NOS1AP: variants seen among roughly 807,000 people sequenced by gnomAD.
NOS1AP encodes the protein nitric oxide synthase 1 adaptor protein, also known as carboxyl-terminal PDZ ligand of neuronal nitric oxide synthase protein.
A neutral mutation model predicts 56.2 loss-of-function variants in NOS1AP; 21 were observed. The observed-to-expected ratio is 0.37, with a 90% CI of 0.26 to 0.54. The LOEUF is 0.54. Among genes scored for constraint, NOS1AP ranks in the 20% least tolerant of loss-of-function variants. NOS1AP has a pLI of 0.84. For synonymous variants in NOS1AP, 270 were observed against 274.6 expected, an observed-to-expected ratio of 0.98 and a Z score of 0.17; for missense variants, 522 against 657.8, an observed-to-expected ratio of 0.79 and a Z score of 2.26.
chr1:162,346,191 A>T (rs347274), intron 6 of NOS1AP, among the ~76,000 whole-genome samples: 69,334 of 152,130 alleles, frequency 0.46, 16,783 homozygotes, highest in Middle Eastern at 0.58. Flanking sequence ...CTAAGAATGA[A>T]TCCTAAAGGT....
At chr1:162,071,563 G>A (rs952216311) in intron 1 of NOS1AP, among the ~76,000 whole-genome samples, 1 of 152,056 alleles carries the variant, frequency 6.6e-6, no homozygotes, top group Non-Finnish European at 1.5e-5. Flanking sequence ...GAACTGCCCC[G>A]CTTAGTCCCC....
chr1:162,224,179 A>AT (rs1385624192), intron 2 of NOS1AP, among the ~76,000 whole-genome samples: 1 of 152,094 alleles, frequency 6.6e-6, no homozygotes, highest in African/African-American at 2.4e-5. Context: ...AAAAAAAAAA[A>AT]GCACAGAACT....
chr1:162,350,050 TCTA>T (rs1374501062), intron 6 of NOS1AP, among the ~76,000 whole-genome samples: 1 of 152,234 alleles, frequency 6.6e-6, no homozygotes, highest in Non-Finnish European at 1.5e-5. Flanking sequence ...CATTTTTGAC[TCTA>T]CTAAGATTGT....
At chr1:162,100,627 CTTTAG>C (rs377714007) in intron 1 of NOS1AP, among the ~76,000 whole-genome samples, 17,465 of 151,886 alleles carry the variant, frequency 0.11, 2,230 homozygotes, top group African/African-American at 0.31. Flanking sequence ...TGCAGAAGCT[CTTTAG>C]TTTAATTAGA....
chr1:162,127,679 C>A (rs1419378866), intron 1 of NOS1AP, among the ~76,000 whole-genome samples: 1 of 152,124 alleles, frequency 6.6e-6, no homozygotes, highest in Non-Finnish European at 1.5e-5. Flanking sequence ...AAGGCTGGAT[C>A]AGAAGCAATA....
rs73029280 is a variant in NOS1AP, at chr1:162,334,927, G to A, written c.453+1802G>A. On this transcript the variant is annotated intron_variant, in intron 5 of 9. Transcript: ENST00000361897. ...GACATGCAGGACAAAAGAATTTTGA[G>A]CAGGAAACCTAGGTAAGAGGACCAT... is the stretch of plus-strand genomic sequence containing the variant. 3.3e-3 allele frequency among the ~76,000 whole-genome samples: 504 copies of A among 152,270 alleles called. 2 individuals carry two copies. The highest frequency in any genetic ancestry group is 0.011 in the African/African-American group (467 of 41,562).
At chr1:162,338,531 A>G (rs149588984) in intron 5 of NOS1AP, 21 of 152,372 alleles carry the variant, frequency 1.4e-4, no homozygotes, top group African/African-American at 5.0e-4. Flanking sequence ...GCTATAGAAT[A>G]TGACTAATAA....
intron 7 of NOS1AP, among the ~76,000 whole-genome samples, chr1:162,356,377 A>T (rs1197248852): frequency 6.6e-6 from 1 of 152,218 alleles, no homozygotes; most frequent in Admixed American, 6.5e-5. Context: ...AGATCATTAT[A>T]TATTTTAGGA....
Position 162,311,454 on chromosome 1 carries a change from C to T in NOS1AP, c.344+10748C>T, listed in dbSNP as rs557885789. ...TTAATACCTACAATGGATGATGAGT[C>T]TCCAGCAAGGGATTAATGACTTATA... On this transcript the variant is annotated intron_variant, in intron 4 of 9. Transcript: ENST00000361897. Among the ~76,000 whole-genome samples the T allele has an allele frequency of 4.6e-5, 7 of 152,262 alleles. No homozygotes were observed. In the East Asian group the frequency reaches 1.4e-3, roughly 29 times the overall value.
intron 5 of NOS1AP, among the ~76,000 whole-genome samples, chr1:162,334,021 A>T (rs58890821): frequency 0.038 from 5,783 of 152,280 alleles, 393 homozygotes; most frequent in African/African-American, 0.13. Flanking sequence ...TCTAGAAACA[A>T]ACTACTAAGC....
chr1:162,154,981 G>C (rs1223998295), intron 2 of NOS1AP, among the ~76,000 whole-genome samples: 1 of 152,038 alleles, frequency 6.6e-6, no homozygotes, highest in Non-Finnish European at 1.5e-5. Flanking sequence ...AGAAACGGTG[G>C]CTCTTGAATA....
rs1658040912 is a variant in NOS1AP, at chr1:162,365,279, GCTT to G, written c.940-118_940-116del. 5.2e-6 allele frequency: 8 copies of G among 1,548,768 alleles called. No individual in the cohort carries two copies. In the Middle Eastern group the frequency reaches 6.8e-4, roughly 131 times the overall value. ...CAGATGCCCATGCTGCCCGTGAAGGGCTTCTTCTTGAACTGAATGTGGAGGGCA... is the reference window on the plus strand; with the variant it reads ...CAGATGCCCATGCTGCCCGTGAAGGGCTTCTTGAACTGAATGTGGAGGGCA... On this transcript the variant is annotated intron_variant, in intron 8 of 9. Coordinates refer to ENST00000361897, the MANE Select transcript of NOS1AP (RefSeq NM_014697.3).
intron 2 of NOS1AP, among the ~76,000 whole-genome samples, chr1:162,258,947 T>C (rs1557852491): frequency 6.6e-6 from 1 of 152,200 alleles, no homozygotes; most frequent in Non-Finnish European, 1.5e-5. Context: ...TTAGGACCTC[T>C]GATGGCTAAT....
intron 2 of NOS1AP, among the ~76,000 whole-genome samples, chr1:162,171,333 G>A (rs1415616857): frequency 6.6e-6 from 1 of 152,116 alleles, no homozygotes; most frequent in African/African-American, 2.4e-5. Context: ...TTAATTTCCT[G>A]CTTTATAAGG....
intron 1 of NOS1AP, among the ~76,000 whole-genome samples, chr1:162,111,812 C>G (rs539114319): frequency 1.8e-4 from 28 of 152,250 alleles, no homozygotes; most frequent in African/African-American, 6.7e-4. Context: ...TGCCCCTGGT[C>G]AGGAATATTG....
chr1:162,215,856 A>G (rs1652550621), intron 2 of NOS1AP, among the ~76,000 whole-genome samples: 1 of 152,230 alleles, frequency 6.6e-6, no homozygotes, highest in Non-Finnish European at 1.5e-5. Context: ...GAAAGGAACA[A>G]TGATAACCCA....
chr1:162,321,841 A>G (rs916358662), intron 4 of NOS1AP, among the ~76,000 whole-genome samples: 2 of 151,630 alleles, frequency 1.3e-5, no homozygotes, highest in Non-Finnish European at 2.9e-5. Context: ...CTACTTACGA[A>G]TGGGAGCTAA....
chr1:162,256,846 C>T (rs781643086), intron 2 of NOS1AP, among the ~76,000 whole-genome samples: 2 of 152,162 alleles, frequency 1.3e-5, no homozygotes, highest in Non-Finnish European at 2.9e-5. Context: ...CATCTTGAAC[C>T]AGATCCCAGA....
At chr1:162,318,185 T>G (rs558682907) in intron 4 of NOS1AP, among the ~76,000 whole-genome samples, 18 of 152,326 alleles carry the variant, frequency 1.2e-4, no homozygotes, top group African/African-American at 4.3e-4. Context: ...CCTTATTTTC[T>G]AGCCTATAAA....
Sources: gnomAD v4.1 joint callset for allele counts (sites outside exome capture counted in the v4.1 genomes callset) on GRCh38, gnomAD v4.1.1 for gene constraint, MANE v1.5 for transcripts, NCBI Gene and HGNC (gene_info 2026-07-23, HGNC 2026-07-21) for gene names.